The following MACROD2 variants were observed in gnomAD, a reference collection of about 807,000 sequenced individuals.
MACROD2 encodes mono-ADP ribosylhydrolase 2, also known as ADP-ribose glycohydrolase MACROD2.
A neutral mutation model predicts 70.4 loss-of-function variants in MACROD2; 36 were observed. That is an observed-to-expected ratio of 0.51 (90% CI 0.39 to 0.68). The LOEUF (loss-of-function observed/expected upper bound fraction) is 0.68, where lower values mean the gene tolerates loss of function less well. Ranked by LOEUF, MACROD2 falls within the 30% of genes least tolerant of loss-of-function variation. The pLI is 0.00. For synonymous variants in MACROD2, 172 were observed against 178.8 expected, an observed-to-expected ratio of 0.96 and a Z score of 0.30; for missense variants, 496 against 538.4, an observed-to-expected ratio of 0.92 and a Z score of 0.78.
intron 2 of MACROD2, among the ~76,000 whole-genome samples, chr20:14,050,327 A>G (rs1419598211): frequency 6.6e-6 from 1 of 152,134 alleles, no homozygotes; most frequent in Non-Finnish European, 1.5e-5. Flanking sequence ...TATGTGTGTA[A>G]TACATGAAAC....
rs1325756680 is a variant in MACROD2, at chr20:15,510,123, A to G, written c.645+10276A>G. Among the ~76,000 whole-genome samples the G allele has an allele frequency of 3.3e-5, 5 of 152,350 alleles. No homozygotes were observed. The East Asian group carries it at 5.8e-4, about 18-fold the overall frequency. On this transcript the variant is annotated intron_variant, in intron 8 of 17. Coordinates refer to ENST00000684519, the MANE Select transcript of MACROD2 (RefSeq NM_001351661.2). ...ATTTTCTGTAAATGATCCGGATTAT[A>G]TGGTGGTTTCAAAATAGCCAACTTT... is the stretch of plus-strand genomic sequence containing the variant.
intron 8 of MACROD2, among the ~76,000 whole-genome samples, chr20:15,521,019 G>A (rs2047645723): frequency 6.6e-6 from 1 of 152,160 alleles, no homozygotes; most frequent in Admixed American, 6.5e-5. Context: ...CCACAGGGAA[G>A]GGACAGCAAG....
intron 5 of MACROD2, among the ~76,000 whole-genome samples, chr20:15,016,884 A>G (rs537311326): frequency 6.6e-6 from 1 of 152,264 alleles, no homozygotes; most frequent in South Asian, 2.1e-4. Flanking sequence ...ACCAGCCCCC[A>G]TGATTCAATT....
chr20:14,395,994 A>G (rs2083576212), intron 3 of MACROD2, among the ~76,000 whole-genome samples: 1 of 152,208 alleles, frequency 6.6e-6, no homozygotes, highest in Non-Finnish European at 1.5e-5. Flanking sequence ...GACTCAAGTG[A>G]CTGTTCCACC....
chr20:14,498,839 A>T (rs1009189938), intron 4 of MACROD2, among the ~76,000 whole-genome samples: 6 of 152,302 alleles, frequency 3.9e-5, no homozygotes, highest in Non-Finnish European at 5.9e-5. Context: ...CACATACACA[A>T]CGGCTTTCCC....
intron 7 of MACROD2, among the ~76,000 whole-genome samples, chr20:15,453,842 C>T (rs2046677975): frequency 6.6e-6 from 1 of 152,168 alleles, no homozygotes; most frequent in Admixed American, 6.6e-5. Flanking sequence ...TTTCTAGGGT[C>T]TATGCCAGTG....
chr20:14,562,799 C>T (rs1040155391), intron 4 of MACROD2, among the ~76,000 whole-genome samples: 3 of 151,810 alleles, frequency 2.0e-5, no homozygotes, highest in African/African-American at 7.3e-5. Context: ...CTTTCTTTCC[C>T]CTCAGAGTCA....
chr20:14,601,167 A>C (rs529254209), intron 4 of MACROD2, among the ~76,000 whole-genome samples: 4 of 152,196 alleles, frequency 2.6e-5, no homozygotes, highest in Non-Finnish European at 2.9e-5. Flanking sequence ...CACAGTAGGC[A>C]CAGTGTTGAG....
Position 14,544,439 on chromosome 20 carries a change from C to T in MACROD2, c.301+50931C>T, listed in dbSNP as rs146200844. Among the ~76,000 whole-genome samples the T allele has an allele frequency of 9.3e-3, 1,416 of 151,618 alleles. 26 individuals carry two copies. Among genetic ancestry groups the T allele is most frequent in the African/African-American group, 0.031 (1,300 of 41,366 alleles). ...TAAATCTCCCATGTCTCTCTTTTTT[C>T]GGCTATAAGGCATGGGTAATATAGC... On this transcript the variant is annotated intron_variant, in intron 4 of 17. Coordinates refer to ENST00000684519, the MANE Select transcript of MACROD2 (RefSeq NM_001351661.2).
chr20:14,414,166 TA>T (rs2083778872), intron 3 of MACROD2, among the ~76,000 whole-genome samples: 1 of 152,180 alleles, frequency 6.6e-6, no homozygotes, highest in East Asian at 1.9e-4. Flanking sequence ...AACTGCCTAA[TA>T]GACATCTCGG....
rs71190141 is a variant in MACROD2 at position 14,579,127 on chromosome 20, C to CTTTTT, written c.301+85640_301+85644dup. 1.4e-3 allele frequency among the ~76,000 whole-genome samples: 106 copies of CTTTTT among 74,348 alleles called. 2 individuals are homozygous for CTTTTT. Among genetic ancestry groups the CTTTTT allele is most frequent in the African/African-American group, 1.9e-3 (34 of 18,216 alleles). The allele number at this position is 74,348 out of a possible 152,430, so 48.8% of individuals were successfully genotyped here. On this transcript the variant is annotated intron_variant, in intron 4 of 17. Transcript: ENST00000684519. ...TTCTGGGAAGCAACTGTATCCAATT[C>CTTTTT]TTTTTTTTTTTTTTTTTTTTTTTTT... is the stretch of plus-strand genomic sequence containing the variant.
chr20:14,498,453 C>T (rs924415271), intron 4 of MACROD2, among the ~76,000 whole-genome samples: 3 of 152,192 alleles, frequency 2.0e-5, no homozygotes, highest in Non-Finnish European at 4.4e-5. Flanking sequence ...TATTGTTTGT[C>T]AGTATTGATT....
chr20:15,338,891 A>G (rs1022846250), intron 6 of MACROD2, among the ~76,000 whole-genome samples: 2 of 151,872 alleles, frequency 1.3e-5, no homozygotes, highest in East Asian at 3.9e-4. Context: ...TTTTCAGTTT[A>G]TAAGCATGAT....
chr20:14,454,403 C>A (rs1469788439), intron 3 of MACROD2, among the ~76,000 whole-genome samples: 1 of 147,566 alleles, frequency 6.8e-6, no homozygotes. Flanking sequence ...ATGTATGATC[C>A]TTTATTCCAC....
intron 3 of MACROD2, among the ~76,000 whole-genome samples, chr20:14,117,065 CAAAA>C (rs11470818): frequency 5.3e-5 from 7 of 131,108 alleles, no homozygotes; most frequent in Non-Finnish European, 6.6e-5. Flanking sequence ...GACTCCATCT[CAAAA>C]AAAAAAAAAA....
At chr20:15,081,430 T>A (rs1234712785) in intron 5 of MACROD2, among the ~76,000 whole-genome samples, 1 of 152,122 alleles carries the variant, frequency 6.6e-6, no homozygotes, top group Non-Finnish European at 1.5e-5. Flanking sequence ...AAGCTGAAGC[T>A]TAAATTTATT....
rs199573606 is a variant in MACROD2, at chr20:14,222,813, GAAAAAAAAAAAA to G, written c.271+137103_271+137114del. Among the ~76,000 whole-genome samples the G allele has an allele frequency of 1.1e-3, 144 of 132,950 alleles. 2 individuals carry two copies. Among genetic ancestry groups the G allele is most frequent in the African/African-American group, 3.7e-3 (130 of 34,780 alleles). 87.2% of individuals were successfully genotyped at this position (132,950 alleles called of 152,430 possible). ...TTCACAGTTCAACCTTTGGATTTCT[GAAAAAAAAAAAA>G]AAAAAAAAAAAAAAAAAGAATTGAG... On this transcript the variant is annotated intron_variant, in intron 3 of 17. Transcript: ENST00000684519.
At chr20:15,527,691 T>C (rs1406119815) in intron 8 of MACROD2, among the ~76,000 whole-genome samples, 1 of 152,218 alleles carries the variant, frequency 6.6e-6, no homozygotes, top group Non-Finnish European at 1.5e-5. Context: ...CATTTCTTCC[T>C]TGGAGTCCAT....
At chr20:15,436,945 C>T (rs957504565) in intron 7 of MACROD2, among the ~76,000 whole-genome samples, 3 of 152,126 alleles carry the variant, frequency 2.0e-5, no homozygotes, top group Middle Eastern at 3.2e-3. Flanking sequence ...CCACTTGGTG[C>T]GTGCTTCCCA....
Sources: allele counts gnomAD v4.1 joint callset (sites outside exome capture counted in the v4.1 genomes callset), GRCh38; gene constraint gnomAD v4.1.1; transcripts MANE v1.5; gene names NCBI Gene and HGNC (gene_info 2026-07-23, HGNC 2026-07-21).